KLF12: variants seen among roughly 807,000 people sequenced by gnomAD.
The protein encoded by KLF12 is KLF transcription factor 12, also known as Krueppel-like factor 12.
A neutral mutation model predicts 37.8 loss-of-function variants in KLF12; 9 were observed. The observed-to-expected ratio is 0.24, with a 90% CI of 0.14 to 0.42. The LOEUF (loss-of-function observed/expected upper bound fraction) is 0.42. Among genes scored for constraint, KLF12 ranks in the 10% least tolerant of loss-of-function variants. The pLI is 1.00. For missense variants in KLF12, 411 were observed against 516.0 expected, an observed-to-expected ratio of 0.80 and a Z score of 1.97; for synonymous variants, 208 against 202.1, an observed-to-expected ratio of 1.03 and a Z score of -0.25.
intron 1 of KLF12, among the ~76,000 whole-genome samples, chr13:74,007,244 AG>A: frequency 5.2e-5 from 1 of 19,146 alleles, no homozygotes; most frequent in East Asian, 6.1e-3. Flanking sequence ...CACTGAAATC[AG>A]AAAAAGACAG....
chr13:73,743,017 G>A (rs921818785), intron 6 of KLF12, among the ~76,000 whole-genome samples: 10 of 99,514 alleles, frequency 1.0e-4, no homozygotes, highest in African/African-American at 1.7e-4. Context: ...TGTTCTCTTC[G>A]GGATTAAAAA....
intron 3 of KLF12, among the ~76,000 whole-genome samples, chr13:73,881,841 T>A (rs1886997669): frequency 6.6e-6 from 1 of 152,312 alleles, no homozygotes; most frequent in East Asian, 1.9e-4. Context: ...TGAATGCTCT[T>A]CCTCAATTTT....
chr13:73,907,761 T>C (rs1286014008), intron 3 of KLF12, among the ~76,000 whole-genome samples: 1 of 152,090 alleles, frequency 6.6e-6, no homozygotes, highest in African/African-American at 2.4e-5. Flanking sequence ...ACTTCTGTTA[T>C]CCCCTCTGAA....
the KLF12 span, among the ~76,000 whole-genome samples, chr13:74,299,660 G>C: frequency 1.3e-5 from 2 of 152,120 alleles, no homozygotes; most frequent in African/African-American, 4.8e-5. Context: ...ATTTTTTGAA[G>C]AACTGCCATA....
intron 2 of KLF12, among the ~76,000 whole-genome samples, chr13:73,954,799 AATG>A (rs530122801): frequency 1.3e-5 from 2 of 152,342 alleles, no homozygotes; most frequent in South Asian, 4.1e-4. Context: ...AGATTTCCCA[AATG>A]ATGTCTTTAG....
At chr13:73,883,196 T>C (rs967104054) in intron 3 of KLF12, among the ~76,000 whole-genome samples, 5 of 152,166 alleles carry the variant, frequency 3.3e-5, no homozygotes, top group Non-Finnish European at 7.3e-5. Flanking sequence ...CATCCTTTTA[T>C]TAAAAAGCAA....
At chr13:74,188,288 G>A in the KLF12 span, among the ~76,000 whole-genome samples, 1 of 151,432 alleles carries the variant, frequency 6.6e-6, no homozygotes, top group Admixed American at 6.6e-5. Context: ...ACTGTTCTAG[G>A]TGTTGAGGAT....
At chr13:73,940,526 C>T (rs751861302) in intron 3 of KLF12, among the ~76,000 whole-genome samples, 12 of 151,988 alleles carry the variant, frequency 7.9e-5, no homozygotes, top group Non-Finnish European at 1.5e-4. Context: ...AATGAGAATG[C>T]GTATTTCCAA....
chr13:74,206,335 A>T, the KLF12 span, among the ~76,000 whole-genome samples: 31 of 152,302 alleles, frequency 2.0e-4, no homozygotes, highest in Non-Finnish European at 3.4e-4. Context: ...TTTGTTATAA[A>T]AACATTGACT....
chr13:74,059,478 C>T (rs1243470629), intron 1 of KLF12, among the ~76,000 whole-genome samples: 1 of 152,154 alleles, frequency 6.6e-6, no homozygotes, highest in African/African-American at 2.4e-5. Flanking sequence ...GCTATTCTGA[C>T]AATTATTATC....
rs1278340382 is a variant in KLF12 at position 73,690,044 on chromosome 13, G to C, written c.*5446C>G. Reference sequence around the variant, plus strand: ...AGAAATGTTAATGTAAACAAGATTAGGTATATTTGAAAGCTATAAAAGCGT... The same window carrying C: ...AGAAATGTTAATGTAAACAAGATTACGTATATTTGAAAGCTATAAAAGCGT... On this transcript the variant is annotated 3_prime_UTR_variant, in exon 8 of 8. Coordinates refer to ENST00000377669, the MANE Select transcript of KLF12 (RefSeq NM_007249.5). 6.6e-6 allele frequency: 1 copy of C among 152,478 alleles called. No individual in the cohort carries two copies. Among genetic ancestry groups the C allele is most frequent in the Non-Finnish European group, 1.5e-5 (1 of 67,998 alleles). 9.4% of individuals were successfully genotyped at this position (152,478 alleles called of 1,614,324 possible). A position where few individuals can be genotyped will look rare whatever the true frequency, so the allele number is the denominator to read the frequency against.
At chr13:73,922,970 C>T (rs79609341) in intron 3 of KLF12, among the ~76,000 whole-genome samples, 2,488 of 152,182 alleles carry the variant, frequency 0.016, 78 homozygotes, top group African/African-American at 0.056. Context: ...GCCACAAATT[C>T]GAAATCCAGC....
At chr13:73,850,297 T>A (rs1055478353) in intron 3 of KLF12, among the ~76,000 whole-genome samples, 3 of 152,258 alleles carry the variant, frequency 2.0e-5, no homozygotes. Flanking sequence ...AAATTACATT[T>A]GAGGTTTTCT....
intron 2 of KLF12, among the ~76,000 whole-genome samples, chr13:73,953,176 T>G (rs1312142558): frequency 6.6e-6 from 1 of 152,236 alleles, no homozygotes; most frequent in African/African-American, 2.4e-5. Flanking sequence ...GGGTATAGTA[T>G]TTAATTTCAA....
chr13:73,817,315 T>C (rs1452589609), intron 4 of KLF12, among the ~76,000 whole-genome samples: 3 of 96,220 alleles, frequency 3.1e-5, no homozygotes, highest in African/African-American at 1.2e-4. Context: ...TGAGATCCTG[T>C]TTCAAAAAAA....
chr13:74,199,125 C>T, the KLF12 span, among the ~76,000 whole-genome samples: 3 of 152,222 alleles, frequency 2.0e-5, no homozygotes, highest in African/African-American at 7.2e-5. Flanking sequence ...GATATTCCTG[C>T]AGAAGTCAGT....
chr13:73,973,646 T>C (rs920066717), intron 2 of KLF12, among the ~76,000 whole-genome samples: 5 of 68,398 alleles, frequency 7.3e-5, no homozygotes, highest in Non-Finnish European at 1.3e-4. Flanking sequence ...ACACAAGACA[T>C]AGAACATCTG....
the KLF12 span, among the ~76,000 whole-genome samples, chr13:74,255,794 G>A: frequency 1.1e-4 from 16 of 152,138 alleles, no homozygotes; most frequent in Non-Finnish European, 2.1e-4. Context: ...CAAATAAAAT[G>A]TTTTTAGATT....
At chr13:74,178,357 C>T in the KLF12 span, among the ~76,000 whole-genome samples, 7 of 151,602 alleles carry the variant, frequency 4.6e-5, no homozygotes, top group African/African-American at 1.7e-4. Context: ...TTGTTTTTTA[C>T]ACTCATTGCC....
Sources: gnomAD v4.1 joint callset for allele counts (sites outside exome capture counted in the v4.1 genomes callset) on GRCh38, gnomAD v4.1.1 for gene constraint, MANE v1.5 for transcripts, NCBI Gene and HGNC (gene_info 2026-07-23, HGNC 2026-07-21) for gene names.